TMEM219: variants seen among roughly 807,000 people sequenced by gnomAD.
The protein encoded by TMEM219 is transmembrane protein 219.
In TMEM219, 18 loss-of-function variants were observed where a neutral mutation model predicts 17.9. The observed-to-expected ratio is 1.01, with a 90% CI of 0.70 to 1.49. TMEM219 has a LOEUF of 1.49. Ranked by LOEUF, TMEM219 falls within the 40% of genes most tolerant of loss-of-function variation. The pLI, the probability that TMEM219 is intolerant of heterozygous loss-of-function variation, is 0.00. For missense variants in TMEM219, 288 were observed against 292.4 expected, an observed-to-expected ratio of 0.99 and a Z score of 0.11; for synonymous variants, 113 against 124.0, an observed-to-expected ratio of 0.91 and a Z score of 0.59.
At chr16:29,970,102 C>T (rs935747075) in intron 4 of TMEM219, among the ~76,000 whole-genome samples, 8 of 151,290 alleles carry the variant, frequency 5.3e-5, no homozygotes, top group African/African-American at 1.2e-4. Context: ...GATGTTGTGG[C>T]GGGCGTCTGT....
chr16:29,967,587 C>T (rs1344199619), intron 3 of TMEM219, among the ~76,000 whole-genome samples: 1 of 151,648 alleles, frequency 6.6e-6, no homozygotes, highest in Non-Finnish European at 1.5e-5. Context: ...CTCCAACCTG[C>T]ACGACAAAGT....
At position 29,964,672 on chromosome 16, in the gene TMEM219, C is replaced by A. The variant is rs187521881; in HGVS notation, c.355+1083C>A. On this transcript the variant is annotated intron_variant, in intron 3 of 5. Transcript: ENST00000279396. ...ACTCTGTCCCGCCCCGCGCCCCCCCCACCACCCTGCGCCAAAAAAAAAAAA... is the reference window on the plus strand; with the variant it reads ...ACTCTGTCCCGCCCCGCGCCCCCCCAACCACCCTGCGCCAAAAAAAAAAAA... 2.9e-3 allele frequency among the ~76,000 whole-genome samples: 439 copies of A among 151,848 alleles called. 2 individuals carry two copies. Among genetic ancestry groups the A allele is most frequent in the African/African-American group, 9.9e-3 (410 of 41,422 alleles).
chr16:29,968,142 T>C lies in TMEM219; in HGVS notation c.473T>C (p.Ile158Thr). ...PGILPSSQPP[I>T]SCSEEGAGNA... ...ATCCTACCCTCCAGCCAGCCACCCA[T>C]ATCCTGCTCAGAGGAGGGGGCTGGA... Residue 158 changes from isoleucine (I) to threonine (T), a missense_variant, in exon 4 of 6, where the codon ATA (isoleucine) becomes ACA (threonine). Ile to Thr is a moderately conservative substitution (Grantham distance 89). Transcript: ENST00000279396. 6.2e-7 allele frequency: 1 copy of C among 1,614,156 alleles called. No homozygotes were observed.
intron 4 of TMEM219, among the ~76,000 whole-genome samples, chr16:29,968,873 G>A (rs147668940): frequency 9.4e-4 from 143 of 152,346 alleles, no homozygotes; most frequent in Non-Finnish European, 1.8e-3. Flanking sequence ...TTTAGAGAAA[G>A]GGAGTGAATT....
chr16:29,970,036 C>G (rs964178181), intron 4 of TMEM219, among the ~76,000 whole-genome samples: 1 of 151,960 alleles, frequency 6.6e-6, no homozygotes, highest in African/African-American at 2.4e-5. Flanking sequence ...GAGGTCAGGA[C>G]CAGCCTGGCC....
intron 3 of TMEM219, among the ~76,000 whole-genome samples, chr16:29,967,139 G>A (rs78368264): frequency 0.023 from 3,483 of 152,174 alleles, 139 homozygotes; most frequent in African/African-American, 0.08. Context: ...GCAGCCTTGC[G>A]AGTATTAGTA....
intron 4 of TMEM219, among the ~76,000 whole-genome samples, chr16:29,970,578 C>A (rs898289261): frequency 6.6e-6 from 1 of 151,942 alleles, no homozygotes; most frequent in African/African-American, 2.4e-5. Context: ...CCCACCTCGG[C>A]CTCTCAAAGT....
chr16:29,972,584 T>C (rs2069313910), intron 5 of TMEM219, among the ~76,000 whole-genome samples: 1 of 152,232 alleles, frequency 6.6e-6, no homozygotes, highest in African/African-American at 2.4e-5. Flanking sequence ...TTCAGCTGGC[T>C]GCAGTGCCCT....
chr16:29,970,949 G>C (rs376379651), intron 4 of TMEM219, among the ~76,000 whole-genome samples: 1 of 94,896 alleles, frequency 1.1e-5, no homozygotes, highest in African/African-American at 3.9e-5. Context: ...GCCTCAAAAA[G>C]AAAAAAAAAA....
intron 3 of TMEM219, among the ~76,000 whole-genome samples, chr16:29,964,104 C>CATGAGGTCAGGAGT (rs1479531027): frequency 4.6e-5 from 7 of 151,928 alleles, no homozygotes; most frequent in Non-Finnish European, 4.4e-5. Context: ...GCGGGCAGAT[C>CATGAGGTCAGGAGT]ATGAGGTCAG....
Position 29,963,320 on chromosome 16 carries a change from AC to A in TMEM219, c.165+17del, listed in dbSNP as rs768369826. 5.6e-6 allele frequency: 9 copies of A among 1,612,000 alleles called. No individual in the cohort carries two copies. The African/African-American group carries it at 1.2e-4, about 22-fold the overall frequency. Reference sequence around the variant, plus strand: ...CTGACATCCCCCAGGTAAGTTCCCCACCCCCGTACCCGCTCTTCCTTCCAAC... The same window carrying A: ...CTGACATCCCCCAGGTAAGTTCCCCACCCCGTACCCGCTCTTCCTTCCAAC... On this transcript the variant is annotated intron_variant, in intron 2 of 5. Transcript: ENST00000279396.
chr16:29,967,002 C>G (rs888658566), intron 3 of TMEM219, among the ~76,000 whole-genome samples: 1 of 151,928 alleles, frequency 6.6e-6, no homozygotes, highest in Non-Finnish European at 1.5e-5. Flanking sequence ...CATCCTTTCC[C>G]CACTAATTTA....
At position 29,963,603 on chromosome 16, in the gene TMEM219, C is replaced by T. The variant is rs1217213267; in HGVS notation, c.355+14C>T. On this transcript the variant is annotated intron_variant, in intron 3 of 5. Coordinates refer to ENST00000279396, the MANE Select transcript of TMEM219 (RefSeq NM_001083613.2). ...TGGGATTGAAAGGTGAGATCAGAGG[C>T]TGGGTGTGGTGGCTCACGCCTGTAA... 1.9e-6 allele frequency: 3 copies of T among 1,610,250 alleles called. No individual in the cohort carries two copies. In the South Asian group the frequency reaches 3.3e-5, roughly 18 times the overall value.
chr16:29,962,994 C>A, intron 1 of TMEM219, 113 bp from the exon 2 acceptor site: 1 of 860,798 alleles, frequency 1.2e-6, no homozygotes, highest in Non-Finnish European at 1.8e-6. Flanking sequence ...GATTCTTGTT[C>A]TGGCTCTGCC....
intron 4 of TMEM219, 128 bp from the exon 5 acceptor site, chr16:29,971,280 T>A: frequency 1.0e-6 from 1 of 979,602 alleles, no homozygotes; most frequent in Non-Finnish European, 1.5e-6. Context: ...TCAGCTTATA[T>A]GAAAATAACA....
chr16:29,971,701 C>G, intron 5 of TMEM219, 123 bp downstream of exon 5: 2 of 909,428 alleles, frequency 2.2e-6, no homozygotes, highest in Non-Finnish European at 3.3e-6. Flanking sequence ...CCCCGAGAAC[C>G]TCTTCAACCA....
chr16:29,970,070 C>T (rs1280863224), intron 4 of TMEM219, among the ~76,000 whole-genome samples: 2 of 151,954 alleles, frequency 1.3e-5, no homozygotes, highest in East Asian at 3.9e-4. Flanking sequence ...CCCATCTCTA[C>T]TAAAAATTTA....
rs2069171971 is a variant in TMEM219, at chr16:29,963,388, T to C, written c.166-12T>C. 1.9e-6 allele frequency: 3 copies of C among 1,613,832 alleles called. No individual in the cohort carries two copies. Among genetic ancestry groups the C allele is most frequent in the Non-Finnish European group, 2.5e-6 (3 of 1,179,760 alleles). Reference sequence around the variant, plus strand: ...TGCTAATCTCATCTCACCCGTCTTCTTTTGCTCACAGGACTGGGTCTCTTT... The same window carrying C: ...TGCTAATCTCATCTCACCCGTCTTCCTTTGCTCACAGGACTGGGTCTCTTT... On this transcript the variant is annotated splice_polypyrimidine_tract_variant and intron_variant, in intron 2 of 5. Coordinates refer to ENST00000279396, the MANE Select transcript of TMEM219 (RefSeq NM_001083613.2).
At chr16:29,971,758 A>G (rs1045577655) in intron 5 of TMEM219, 180 bp downstream of exon 5, 1 of 481,756 alleles carries the variant, frequency 2.1e-6, no homozygotes, top group African/African-American at 2.0e-5. Flanking sequence ...GTCAGCATTC[A>G]ATATTTTTCT....
Sources: allele counts gnomAD v4.1 joint callset (sites outside exome capture counted in the v4.1 genomes callset), GRCh38; gene constraint gnomAD v4.1.1; transcripts MANE v1.5; gene names NCBI Gene and HGNC (gene_info 2026-07-23, HGNC 2026-07-21).